LOC128706666: variants seen among roughly 807,000 people sequenced by gnomAD.
At chr20:10,420,018 T>A in the LOC128706666 span, among the ~76,000 whole-genome samples, 2 of 152,212 alleles carry the variant, frequency 1.3e-5, no homozygotes, top group African/African-American at 4.8e-5. Flanking sequence ...GTTTTGGTTT[T>A]GAGAACTTTT....
the LOC128706666 span, among the ~76,000 whole-genome samples, chr20:10,429,667 TC>T: frequency 1.3e-5 from 2 of 152,186 alleles, no homozygotes; most frequent in Non-Finnish European, 1.5e-5. Context: ...TTCCTCATGC[TC>T]CTCATCAACT....
the LOC128706666 span, among the ~76,000 whole-genome samples, chr20:10,421,139 A>G: frequency 6.6e-6 from 1 of 152,312 alleles, no homozygotes; most frequent in South Asian, 2.1e-4. Context: ...TTTAAAAATT[A>G]TAATTACAGG....
the LOC128706666 span, among the ~76,000 whole-genome samples, chr20:10,433,957 C>G: frequency 6.6e-6 from 1 of 152,216 alleles, no homozygotes; most frequent in Non-Finnish European, 1.5e-5. Flanking sequence ...CTACAGAGAG[C>G]CAGCCTCCTC....
the LOC128706666 span, among the ~76,000 whole-genome samples, chr20:10,432,823 G>A: frequency 2.1e-5 from 3 of 143,418 alleles, no homozygotes; most frequent in African/African-American, 7.7e-5. Flanking sequence ...AAATCGTGTA[G>A]TTTTGTACAC....
At chr20:10,415,281 T>C in the LOC128706666 span, among the ~76,000 whole-genome samples, 4 of 152,156 alleles carry the variant, frequency 2.6e-5, no homozygotes, top group Admixed American at 2.6e-4. Flanking sequence ...TTAGCATAAA[T>C]GAAACAAATC....
the LOC128706666 span, among the ~76,000 whole-genome samples, chr20:10,433,448 C>G: frequency 1.3e-5 from 2 of 152,332 alleles, no homozygotes; most frequent in East Asian, 3.9e-4. Flanking sequence ...TCTACTAACT[C>G]GGCAGTGCTG....
the LOC128706666 span, among the ~76,000 whole-genome samples, chr20:10,424,418 A>T: frequency 1.3e-5 from 2 of 152,052 alleles, no homozygotes; most frequent in Non-Finnish European, 2.9e-5. Context: ...TATATTTTTA[A>T]AAAATGACAT....
At chr20:10,432,619 AC>A in the LOC128706666 span, among the ~76,000 whole-genome samples, 1 of 151,874 alleles carries the variant, frequency 6.6e-6, no homozygotes, top group South Asian at 2.1e-4. Context: ...ATGGCGAAAC[AC>A]CATCTCTACT....
At chr20:10,419,685 G>A in the LOC128706666 span, among the ~76,000 whole-genome samples, 7 of 152,260 alleles carry the variant, frequency 4.6e-5, no homozygotes, top group Admixed American at 6.5e-5. Flanking sequence ...ACATAAGCGC[G>A]GAGATACCAC....
chr20:10,418,257 C>T, the LOC128706666 span, among the ~76,000 whole-genome samples: 4 of 152,168 alleles, frequency 2.6e-5, no homozygotes, highest in Non-Finnish European at 5.9e-5. Context: ...ACTGGCAAAA[C>T]GCTGTTAACT....
At chr20:10,420,696 A>C in the LOC128706666 span, 1 of 152,234 alleles carries the variant, frequency 6.6e-6, no homozygotes, top group Admixed American at 6.5e-5. Context: ...GGACCATAAC[A>C]ACCAAAACTT....
At chr20:10,415,296 T>C in the LOC128706666 span, among the ~76,000 whole-genome samples, 1 of 152,188 alleles carries the variant, frequency 6.6e-6, no homozygotes, top group Non-Finnish European at 1.5e-5. Context: ...CAAATCTATT[T>C]AGCCTAAAGT....
the LOC128706666 span, among the ~76,000 whole-genome samples, chr20:10,433,854 C>G: frequency 4.6e-5 from 7 of 152,172 alleles, no homozygotes; most frequent in African/African-American, 1.7e-4. Flanking sequence ...CTCCAGCTCT[C>G]CCCACCGGCG....
the LOC128706666 span, among the ~76,000 whole-genome samples, chr20:10,418,766 C>CT: frequency 6.6e-6 from 1 of 152,058 alleles, no homozygotes; most frequent in East Asian, 1.9e-4. Context: ...GTTAAGACAT[C>CT]TTTTTGTTCT....
At chr20:10,423,488 T>C in the LOC128706666 span, among the ~76,000 whole-genome samples, 43 of 152,288 alleles carry the variant, frequency 2.8e-4, no homozygotes, top group African/African-American at 9.9e-4. Flanking sequence ...AATTGAGATT[T>C]GTAACTCAAG....
At chr20:10,419,772 C>T in the LOC128706666 span, among the ~76,000 whole-genome samples, 2 of 152,116 alleles carry the variant, frequency 1.3e-5, no homozygotes, top group Non-Finnish European at 2.9e-5. Context: ...TCACATCCTG[C>T]GTGGATGAAG....
chr20:10,426,069 T>C, the LOC128706666 span, among the ~76,000 whole-genome samples: 1 of 152,378 alleles, frequency 6.6e-6, no homozygotes, highest in African/African-American at 2.4e-5. Flanking sequence ...CTCAAAAGTA[T>C]GGTCTTAAAT....
At chr20:10,418,091 T>C in the LOC128706666 span, among the ~76,000 whole-genome samples, 1 of 152,224 alleles carries the variant, frequency 6.6e-6, no homozygotes, top group African/African-American at 2.4e-5. Context: ...AGAGTCACTG[T>C]TAAGTTTTTC....
the LOC128706666 span, among the ~76,000 whole-genome samples, chr20:10,432,833 C>T: frequency 7.2e-6 from 1 of 139,054 alleles, no homozygotes; most frequent in Non-Finnish European, 1.6e-5. Context: ...GTTTTGTACA[C>T]AACTTGCCAC....
Sources: gnomAD v4.1 joint callset for allele counts (sites outside exome capture counted in the v4.1 genomes callset) on GRCh38, gnomAD v4.1.1 for gene constraint, MANE v1.5 for transcripts.